The following AUTS2 variants were observed in gnomAD, a reference collection of about 807,000 sequenced individuals.
AUTS2 encodes the protein activator of transcription and developmental regulator AUTS2, also known as autism susceptibility gene 2 protein.
Under a neutral mutation model 112.4 loss-of-function variants are expected in AUTS2, and 17 were observed. The ratio of observed to expected loss-of-function variants is 0.15; its 90% CI spans 0.10 to 0.23. The LOEUF is 0.23. Ranked by LOEUF, AUTS2 falls within the 10% of genes least tolerant of loss-of-function variation. AUTS2 has a pLI of 1.00. For missense variants in AUTS2, 1,510 were observed against 1,701.6 expected (o/e 0.89, Z 1.98); for synonymous variants, 751 against 702.7 (o/e 1.07, Z -1.09).
chr7:69,663,933 GAACAAAT>G, intron 1 of AUTS2, among the ~76,000 whole-genome samples: 1 of 152,298 alleles, frequency 6.6e-6, no homozygotes, highest in Non-Finnish European at 1.5e-5. Context: ...TTGTAATGCA[GAACAAAT>G]TTAAATACTT....
At chr7:70,527,405 A>G (rs1799884899) in intron 5 of AUTS2, among the ~76,000 whole-genome samples, 1 of 152,160 alleles carries the variant, frequency 6.6e-6, no homozygotes, top group African/African-American at 2.4e-5. Context: ...GGGCATAGTC[A>G]CTTGGCTGTA....
intron 6 of AUTS2, among the ~76,000 whole-genome samples, chr7:70,708,648 C>T (rs1368906790): frequency 6.6e-6 from 1 of 151,944 alleles, no homozygotes; most frequent in Non-Finnish European, 1.5e-5. Context: ...AGGTGAGCCC[C>T]GAAGGGTCAG....
chr7:70,506,237 G>A (rs2116702662), intron 5 of AUTS2, among the ~76,000 whole-genome samples: 1 of 152,296 alleles, frequency 6.6e-6, no homozygotes, highest in Non-Finnish European at 1.5e-5. Flanking sequence ...AGGGCAAGGG[G>A]GTGGTGAGGA....
At chr7:70,383,040 T>A (rs1793442831) in intron 4 of AUTS2, among the ~76,000 whole-genome samples, 1 of 152,246 alleles carries the variant, frequency 6.6e-6, no homozygotes, top group Non-Finnish European at 1.5e-5. Context: ...TTTTTCATGT[T>A]GATATATTCT....
At chr7:70,752,543 G>A (rs1034184513) in intron 6 of AUTS2, among the ~76,000 whole-genome samples, 12 of 152,298 alleles carry the variant, frequency 7.9e-5, no homozygotes, top group Admixed American at 7.8e-4. Context: ...TTATCTGTGA[G>A]CCTTACAGAA....
intron 1 of AUTS2, among the ~76,000 whole-genome samples, chr7:69,855,867 G>T (rs1190171205): frequency 1.3e-5 from 2 of 152,152 alleles, no homozygotes; most frequent in Non-Finnish European, 2.9e-5. Flanking sequence ...TTAGGGACTT[G>T]TCAACCAACT....
chr7:69,837,679 C>T (rs1458760765), intron 1 of AUTS2, among the ~76,000 whole-genome samples: 2 of 152,128 alleles, frequency 1.3e-5, no homozygotes, highest in Non-Finnish European at 2.9e-5. Context: ...AGCAGAGAAG[C>T]GTTCATCAAG....
intron 5 of AUTS2, among the ~76,000 whole-genome samples, chr7:70,556,907 T>C (rs1346988169): frequency 1.3e-5 from 2 of 152,114 alleles, no homozygotes; most frequent in African/African-American, 4.8e-5. Flanking sequence ...TAAAAGTACT[T>C]CTGGTAAACT....
chr7:70,084,077 CAAAAA>C (rs762392282), intron 2 of AUTS2, among the ~76,000 whole-genome samples: 1 of 151,380 alleles, frequency 6.6e-6, no homozygotes, highest in African/African-American at 2.4e-5. Context: ...AACAAACAAA[CAAAAA>C]AAACAAAAAA....
intron 4 of AUTS2, among the ~76,000 whole-genome samples, chr7:70,404,061 A>G (rs1341173924): frequency 6.6e-6 from 1 of 152,196 alleles, no homozygotes; most frequent in Non-Finnish European, 1.5e-5. Flanking sequence ...TCCGTCCCTA[A>G]TCTCCATATC....
chr7:70,137,932 T>C (rs2129575138), intron 4 of AUTS2, among the ~76,000 whole-genome samples: 1 of 152,310 alleles, frequency 6.6e-6, no homozygotes. Flanking sequence ...TTGTATTTGA[T>C]CAGTTATTTA....
At chr7:69,857,837 C>A (rs963103867) in intron 1 of AUTS2, among the ~76,000 whole-genome samples, 3 of 152,000 alleles carry the variant, frequency 2.0e-5, no homozygotes, top group East Asian at 3.9e-4. Context: ...AAAAGACATT[C>A]CTCCTTGGTG....
chr7:69,859,275 ATAAAGT>A (rs1180557481), intron 1 of AUTS2, among the ~76,000 whole-genome samples: 1 of 152,246 alleles, frequency 6.6e-6, no homozygotes, highest in African/African-American at 2.4e-5. Context: ...AGAAAAAGAA[ATAAAGT>A]TAGAGGTGAA....
intron 2 of AUTS2, among the ~76,000 whole-genome samples, chr7:69,985,288 C>A (rs1474496583): frequency 6.6e-6 from 1 of 151,336 alleles, no homozygotes; most frequent in Non-Finnish European, 1.5e-5. Context: ...TGTTGTTGAG[C>A]CTTATTTATT....
chr7:70,411,569 A>T (rs561648991), intron 4 of AUTS2, among the ~76,000 whole-genome samples: 10 of 149,502 alleles, frequency 6.7e-5, no homozygotes, highest in East Asian at 5.8e-4. Context: ...GGTCACATTT[A>T]AAAAAAAAAG....
chr7:70,190,883 T>C (rs1423776931), intron 4 of AUTS2, among the ~76,000 whole-genome samples: 1 of 152,202 alleles, frequency 6.6e-6, no homozygotes, highest in Non-Finnish European at 1.5e-5. Flanking sequence ...TCATTAACCA[T>C]TTAAATACAC....
chr7:69,784,877 A>G (rs906027024), intron 1 of AUTS2, among the ~76,000 whole-genome samples: 1 of 152,218 alleles, frequency 6.6e-6, no homozygotes, highest in African/African-American at 2.4e-5. Context: ...CTATTGTGCT[A>G]CTATGTGCCA....
At chr7:70,232,778 C>T (rs371180681) in intron 4 of AUTS2, among the ~76,000 whole-genome samples, 13 of 152,048 alleles carry the variant, frequency 8.5e-5, no homozygotes, top group East Asian at 3.9e-4. Context: ...GTAGGTATAC[C>T]GAAAGCTATT....
At chr7:70,692,305 G>A (rs185701609) in intron 5 of AUTS2, among the ~76,000 whole-genome samples, 22 of 152,368 alleles carry the variant, frequency 1.4e-4, no homozygotes, top group Non-Finnish European at 2.9e-4. Context: ...AGGGGATGGT[G>A]CAGGAGCTCA....
Sources: gnomAD v4.1 joint callset for allele counts (sites outside exome capture counted in the v4.1 genomes callset) on GRCh38, gnomAD v4.1.1 for gene constraint, MANE v1.5 for transcripts, NCBI Gene and HGNC (gene_info 2026-07-23, HGNC 2026-07-21) for gene names.